Variants in ZC3H12C observed in about 807,000 individuals in gnomAD.
ZC3H12C encodes zinc finger CCCH-type containing 12C.
ZC3H12C carries 20 observed loss-of-function variants against 76.3 expected under a neutral mutation model. That is an observed-to-expected ratio of 0.26 (90% CI 0.18 to 0.38). The LOEUF is 0.38. Among genes scored for constraint, ZC3H12C ranks in the 10% least tolerant of loss-of-function variants. ZC3H12C has a pLI of 1.00. For missense variants in ZC3H12C, 874 were observed against 1,086.5 expected, an observed-to-expected ratio of 0.80 and a Z score of 2.75; for synonymous variants, 352 against 399.6, an observed-to-expected ratio of 0.88 and a Z score of 1.42.
chr11:110,126,930 G>A (rs955162870), intron 1 of ZC3H12C, among the ~76,000 whole-genome samples: 1 of 151,998 alleles, frequency 6.6e-6, no homozygotes. Context: ...TTAAACATAT[G>A]ATCTTGATTA....
chr11:110,159,117 C>G, intron 3 of ZC3H12C, 139 bp from the exon 4 acceptor site: 1 of 652,396 alleles, frequency 1.5e-6, no homozygotes, highest in Non-Finnish European at 2.6e-6. Flanking sequence ...GATGCTGTAT[C>G]TACAAATTAA....
At position 110,164,349 on chromosome 11, in the gene ZC3H12C, T is replaced by G; in HGVS notation, c.1264T>G (p.Cys422Gly). ...KKQPCPYGKK[C>G]TYGHKCKYYH... ...AATTTTACTCTTCTTAGGAAAGAAG[T>G]GTACCTATGGACACAAGTGCAAATA... Residue 422 changes from cysteine to glycine, a missense_variant, in exon 6 of 6, where the codon TGT (cysteine) becomes GGT (glycine). Coordinates refer to ENST00000278590, the MANE Select transcript of ZC3H12C (RefSeq NM_033390.2). This position sits in a 1 kb window ranked among gnomAD's most constrained non-coding sequence, Gnocchi z 5.7. 6.2e-7 allele frequency: 1 copy of G among 1,607,972 alleles called. No individual in the cohort carries two copies. Among genetic ancestry groups the G allele is most frequent in the Non-Finnish European group, 8.5e-7 (1 of 1,177,274 alleles).
At chr11:110,162,517 T>G (rs1389657974) in intron 4 of ZC3H12C, among the ~76,000 whole-genome samples, 2 of 152,232 alleles carry the variant, frequency 1.3e-5, no homozygotes, top group African/African-American at 4.8e-5. Context: ...ATAGCAGAAT[T>G]CTTCAAGCAT....
intron 1 of ZC3H12C, among the ~76,000 whole-genome samples, chr11:110,116,018 C>T (rs1366196719): frequency 6.6e-6 from 1 of 152,112 alleles, no homozygotes; most frequent in African/African-American, 2.4e-5. Context: ...CCTCAGCCTC[C>T]CAAAGTGCTG....
intron 1 of ZC3H12C, among the ~76,000 whole-genome samples, chr11:110,117,070 C>A (rs1477031193): frequency 6.6e-6 from 1 of 152,230 alleles, no homozygotes; most frequent in East Asian, 1.9e-4. Flanking sequence ...TCTAGCCTAG[C>A]TTCCTTTGGC....
chr11:110,117,313 A>G (rs1428750662), intron 1 of ZC3H12C, among the ~76,000 whole-genome samples: 3 of 152,180 alleles, frequency 2.0e-5, no homozygotes, highest in Non-Finnish European at 2.9e-5. Context: ...AATTCACAAT[A>G]TAAGTTAAAA....
chr11:110,165,219 C>T lies in ZC3H12C; in HGVS notation c.2134C>T (p.His712Tyr), dbSNP rs1300434538. Reference sequence around the variant, plus strand: ...TCCGCACCTGGCTCTGCACCTGCCGCACTCCGCTGTGGGCGCCCGGTCCAG... The same window carrying T: ...TCCGCACCTGGCTCTGCACCTGCCGTACTCCGCTGTGGGCGCCCGGTCCAG... ...PLPHLALHLP[H>Y]SAVGARSSCP... The change falls in exon 6 of 6, where the codon CAC (histidine) becomes TAC (tyrosine). Residue 712 changes from histidine to tyrosine, a missense_variant. His to Tyr is a moderately conservative substitution (Grantham distance 83). Coordinates refer to ENST00000278590, the MANE Select transcript of ZC3H12C (RefSeq NM_033390.2). The T allele has an allele frequency of 6.2e-7, 1 of 1,613,882 alleles. No homozygotes were observed. Among genetic ancestry groups the T allele is most frequent in the Non-Finnish European group, 8.5e-7 (1 of 1,179,910 alleles).
intron 4 of ZC3H12C, among the ~76,000 whole-genome samples, chr11:110,163,053 T>G (rs746056156): frequency 2.0e-5 from 3 of 152,248 alleles, no homozygotes; most frequent in Non-Finnish European, 4.4e-5. Context: ...TTACTTGAAT[T>G]AAAACAAATA....
chr11:110,112,808 T>C (rs184090519), intron 1 of ZC3H12C, among the ~76,000 whole-genome samples: 314 of 152,314 alleles, frequency 2.1e-3, no homozygotes, highest in Non-Finnish European at 3.6e-3. Flanking sequence ...AAGCCAATGG[T>C]TGCCTGACTG....
intron 1 of ZC3H12C, among the ~76,000 whole-genome samples, chr11:110,096,892 C>A (rs559209128): frequency 6.6e-6 from 1 of 152,178 alleles, no homozygotes; most frequent in Non-Finnish European, 1.5e-5. Flanking sequence ...ACTCCAGTTT[C>A]AGTCCAGCAT....
chr11:110,163,201 C>A, intron 4 of ZC3H12C, 72 bp from the exon 5 acceptor site: 1 of 1,353,956 alleles, frequency 7.4e-7, no homozygotes. Flanking sequence ...GGGAACAAAT[C>A]TTTGTACTCT....
chr11:110,119,789 CG>C (rs1320773913), intron 1 of ZC3H12C, among the ~76,000 whole-genome samples: 1 of 152,134 alleles, frequency 6.6e-6, no homozygotes, highest in Non-Finnish European at 1.5e-5. Context: ...AGAGTGATAG[CG>C]GGGCGAAGGA....
intron 4 of ZC3H12C, among the ~76,000 whole-genome samples, chr11:110,160,697 C>T (rs540325650): frequency 3.3e-5 from 5 of 152,252 alleles, no homozygotes; most frequent in Admixed American, 6.5e-5. Flanking sequence ...TTTTGAAATA[C>T]TTCCTGAATG....
chr11:110,159,614 C>T (rs1004239216), intron 4 of ZC3H12C, 124 bp downstream of exon 4: 28 of 828,034 alleles, frequency 3.4e-5, no homozygotes, highest in Non-Finnish European at 4.7e-5. Flanking sequence ...AACAACTGAT[C>T]TCCCCACTGA....
At chr11:110,161,951 C>T (rs879781583) in intron 4 of ZC3H12C, among the ~76,000 whole-genome samples, 1 of 152,016 alleles carries the variant, frequency 6.6e-6, no homozygotes, top group Non-Finnish European at 1.5e-5. Context: ...GCCAACATGG[C>T]GAAACCCCGT....
In ZC3H12C at chr11:110,121,874, A is replaced by AT. The variant is rs935237898; in HGVS notation, c.22-14781dup. On this transcript the variant is annotated intron_variant, in intron 1 of 5. Transcript: ENST00000278590. ...GATTATTTCCCATATACCATATTTT[A>AT]TTTTTTTTCCTGAATTCCTGTACAA... Among the ~76,000 whole-genome samples the AT allele has an allele frequency of 7.9e-5, 12 of 151,892 alleles. 1 individual carries two copies. Among genetic ancestry groups the AT allele is most frequent in the Middle Eastern group, 6.8e-3 (2 of 294 alleles).
chr11:110,119,473 T>C (rs1414788649), intron 1 of ZC3H12C, among the ~76,000 whole-genome samples: 1 of 152,218 alleles, frequency 6.6e-6, no homozygotes, highest in African/African-American at 2.4e-5. Flanking sequence ...TCTAATGCAC[T>C]ACATGACCTG....
rs1862647197 is a variant in ZC3H12C, at chr11:110,169,975, G to A, written c.*4238G>A. The A allele has an allele frequency of 6.6e-6, 1 of 152,186 alleles. No homozygotes were observed. Among genetic ancestry groups the A allele is most frequent in the African/African-American group, 2.4e-5 (1 of 41,448 alleles). 9.4% of individuals were successfully genotyped at this position (152,186 alleles called of 1,614,324 possible). A position where few individuals can be genotyped will look rare whatever the true frequency, so the allele number is the denominator to read the frequency against. On this transcript the variant is annotated 3_prime_UTR_variant, in exon 6 of 6. Coordinates refer to ENST00000278590, the MANE Select transcript of ZC3H12C (RefSeq NM_033390.2). Reference sequence around the variant, plus strand: ...ACAGAAACGGGAAGCCGGTCAGATTGGGCCTGTGGGCCATAATTTGCTGAT... The same window carrying A: ...ACAGAAACGGGAAGCCGGTCAGATTAGGCCTGTGGGCCATAATTTGCTGAT...
intron 1 of ZC3H12C, among the ~76,000 whole-genome samples, chr11:110,133,879 A>T (rs549856837): frequency 6.6e-6 from 1 of 152,160 alleles, no homozygotes; most frequent in Non-Finnish European, 1.5e-5. Context: ...GCAGTATCTG[A>T]TTTTGTTACT....
Sources: gnomAD v4.1 joint callset for allele counts (sites outside exome capture counted in the v4.1 genomes callset) on GRCh38, gnomAD v4.1.1 for gene constraint, Gnocchi (gnomAD v3.1) non-coding constraint, MANE v1.5 for transcripts, NCBI Gene and HGNC (gene_info 2026-07-23, HGNC 2026-07-21) for gene names.